MARCHF1: variants seen among roughly 807,000 people sequenced by gnomAD.
MARCHF1 encodes E3 ubiquitin-protein ligase MARCHF1.
MARCHF1 carries 40 observed loss-of-function variants against 54.2 expected under a neutral mutation model. The ratio of observed to expected loss-of-function variants is 0.74; its 90% CI spans 0.57 to 0.96. MARCHF1 has a LOEUF of 0.96. MARCHF1 is among the 40% of genes least tolerant of loss of function. The pLI, the probability that MARCHF1 is intolerant of heterozygous loss-of-function variation, is 0.00. For missense variants in MARCHF1, 586 were observed against 656.5 expected, an observed-to-expected ratio of 0.89 and a Z score of 1.17; for synonymous variants, 236 against 236.3, an observed-to-expected ratio of 1.00 and a Z score of 0.01.
chr4:164,293,958 T>C (rs944894841), intron 1 of MARCHF1, among the ~76,000 whole-genome samples: 8 of 152,206 alleles, frequency 5.3e-5, no homozygotes, highest in African/African-American at 1.9e-4. Flanking sequence ...GACCCACCCT[T>C]AATCTGGGTG....
intron 7 of MARCHF1, among the ~76,000 whole-genome samples, chr4:163,596,537 CAAAAAAAA>C (rs142539749): frequency 1.4e-5 from 1 of 73,782 alleles, no homozygotes; most frequent in African/African-American, 5.4e-5. Context: ...GAGGCTGTCT[CAAAAAAAA>C]AAAAAAAAAA....
At chr4:163,801,900 G>A (rs951230217) in intron 4 of MARCHF1, among the ~76,000 whole-genome samples, 6 of 151,778 alleles carry the variant, frequency 4.0e-5, no homozygotes, top group Non-Finnish European at 7.4e-5. Flanking sequence ...TATCAGTTGG[G>A]GTGTTTATTT....
chr4:164,345,877 T>C (rs756876359), intron 1 of MARCHF1, among the ~76,000 whole-genome samples: 1 of 152,128 alleles, frequency 6.6e-6, no homozygotes, highest in Non-Finnish European at 1.5e-5. Flanking sequence ...ATTGTAAATA[T>C]TGGAAGCTTT....
chr4:164,154,793 G>A (rs1730033669), intron 1 of MARCHF1, among the ~76,000 whole-genome samples: 1 of 152,202 alleles, frequency 6.6e-6, no homozygotes, highest in Non-Finnish European at 1.5e-5. Context: ...TGCAAGGGCA[G>A]GGGACGATTG....
intron 4 of MARCHF1, among the ~76,000 whole-genome samples, chr4:163,749,666 G>C (rs1473455858): frequency 6.6e-6 from 1 of 151,922 alleles, no homozygotes; most frequent in African/African-American, 2.4e-5. Context: ...CACATTTTCT[G>C]AATCTATTGA....
intron 3 of MARCHF1, among the ~76,000 whole-genome samples, chr4:163,897,129 C>G (rs1013372667): frequency 2.0e-5 from 3 of 152,194 alleles, no homozygotes; most frequent in Admixed American, 1.3e-4. Flanking sequence ...TGGAGTAACA[C>G]TATAGACCTT....
intron 8 of MARCHF1, among the ~76,000 whole-genome samples, chr4:163,579,404 A>T (rs1209311610): frequency 6.6e-6 from 1 of 152,178 alleles, no homozygotes; most frequent in African/African-American, 2.4e-5. Context: ...TCTTTTAATA[A>T]TTTTTTGTTA....
At chr4:163,644,545 C>T (rs928479331) in intron 5 of MARCHF1, among the ~76,000 whole-genome samples, 6 of 152,122 alleles carry the variant, frequency 3.9e-5, no homozygotes, top group African/African-American at 1.2e-4. Flanking sequence ...AACCTTGGTC[C>T]CACAGCAGAT....
At chr4:164,269,101 T>C (rs1733680427) in intron 1 of MARCHF1, among the ~76,000 whole-genome samples, 1 of 152,132 alleles carries the variant, frequency 6.6e-6, no homozygotes, top group African/African-American at 2.4e-5. Context: ...TATACTACAG[T>C]GAAAGTTGCC....
chr4:163,789,745 G>A (rs1417256048), intron 4 of MARCHF1, among the ~76,000 whole-genome samples: 1 of 151,894 alleles, frequency 6.6e-6, no homozygotes, highest in East Asian at 1.9e-4. Context: ...TTTAATATGT[G>A]GGAAAATATA....
intron 5 of MARCHF1, among the ~76,000 whole-genome samples, chr4:163,624,279 C>T (rs1052649543): frequency 6.6e-6 from 1 of 152,028 alleles, no homozygotes; most frequent in South Asian, 2.1e-4. Flanking sequence ...GGTGTTATTC[C>T]CAGGCAATCC....
chr4:163,915,568 G>A (rs1024353951), intron 3 of MARCHF1, among the ~76,000 whole-genome samples: 1 of 152,138 alleles, frequency 6.6e-6, no homozygotes, highest in African/African-American at 2.4e-5. Context: ...TAATAATAAT[G>A]TATCAATATA....
chr4:163,719,359 C>G (rs1218879727), intron 4 of MARCHF1, among the ~76,000 whole-genome samples: 1 of 152,170 alleles, frequency 6.6e-6, no homozygotes, highest in Non-Finnish European at 1.5e-5. Context: ...AGGACATGAA[C>G]TCATCCTTTT....
intron 1 of MARCHF1, among the ~76,000 whole-genome samples, chr4:164,151,136 T>A (rs962513302): frequency 2.2e-5 from 3 of 135,402 alleles, no homozygotes; most frequent in Admixed American, 7.6e-5. Context: ...AGATCCACTT[T>A]GGGCTCCAGA....
At chr4:164,026,909 G>A (rs112515612) in intron 2 of MARCHF1, among the ~76,000 whole-genome samples, 18 of 152,150 alleles carry the variant, frequency 1.2e-4, no homozygotes, top group African/African-American at 4.1e-4. Flanking sequence ...CAAAATCAGT[G>A]TACAAAAATC....
chr4:163,994,747 AC>A (rs1753036067), intron 2 of MARCHF1, among the ~76,000 whole-genome samples: 1 of 7,856 alleles, frequency 1.3e-4, no homozygotes, highest in South Asian at 5.3e-3. Context: ...ACATACACAC[AC>A]ACACACACAC....
At chr4:163,702,033 A>C (rs2111233366) in intron 4 of MARCHF1, among the ~76,000 whole-genome samples, 1 of 152,250 alleles carries the variant, frequency 6.6e-6, no homozygotes, top group East Asian at 1.9e-4. Flanking sequence ...TTGCAGAAAA[A>C]CAGTGGCTGC....
intron 2 of MARCHF1, among the ~76,000 whole-genome samples, chr4:164,108,696 T>C (rs901409360): frequency 6.6e-6 from 1 of 152,060 alleles, no homozygotes; most frequent in African/African-American, 2.4e-5. Flanking sequence ...ATAATGTTAA[T>C]TTTATCTCTA....
At chr4:163,735,924 G>A (rs1385669190) in intron 4 of MARCHF1, among the ~76,000 whole-genome samples, 2 of 152,068 alleles carry the variant, frequency 1.3e-5, no homozygotes, top group Non-Finnish European at 2.9e-5. Flanking sequence ...TTTAACTACA[G>A]ATAGTACCAA....
Sources: gnomAD v4.1 joint callset for allele counts (sites outside exome capture counted in the v4.1 genomes callset) on GRCh38, gnomAD v4.1.1 for gene constraint, MANE v1.5 for transcripts, NCBI Gene and HGNC (gene_info 2026-07-23, HGNC 2026-07-21) for gene names.